The following MYH3 variants were observed in gnomAD, a reference collection of about 807,000 sequenced individuals.
MYH3 encodes myosin heavy chain 3, also known as myosin-3.
A neutral mutation model predicts 238.0 loss-of-function variants in MYH3; 130 were observed. That is an observed-to-expected ratio of 0.55 (90% confidence interval 0.47 to 0.63). MYH3 has a LOEUF of 0.63. Among genes scored for constraint, MYH3 ranks in the 30% least tolerant of loss-of-function variants. The pLI, the probability that MYH3 is intolerant of heterozygous loss-of-function variation, is 0.00. For missense variants in MYH3, 1,853 were observed against 2,374.9 expected, an observed-to-expected ratio of 0.78 and a Z score of 4.57; for synonymous variants, 880 against 924.1, an observed-to-expected ratio of 0.95 and a Z score of 0.86.
intron 27 of MYH3, 54 bp from the exon 28 acceptor site, chr17:10,637,989 A>G (rs2074231126): frequency 6.2e-7 from 1 of 1,613,996 alleles, no homozygotes; most frequent in African/African-American, 1.3e-5. Context: ...GGTTTCAATG[A>G]CCACGGAGTG....
rs768195566 is a variant in MYH3, at chr17:10,634,832, C to A, written c.4356+8G>T. 1.2e-6 allele frequency: 2 copies of A among 1,613,992 alleles called. No homozygotes were observed. The highest frequency in any genetic ancestry group is 2.7e-5 in the African/African-American group (2 of 74,908). Reference sequence around the variant, plus strand: ...TGGCATTCACCCAGCACACAGCGGACCCCACACCTTGTCAAAGTTCCTCTG... The same window carrying A: ...TGGCATTCACCCAGCACACAGCGGAACCCACACCTTGTCAAAGTTCCTCTG... On this transcript the variant is annotated splice_region_variant and intron_variant, in intron 31 of 40. Transcript: ENST00000583535.
In MYH3 at chr17:10,644,396, T is replaced by C. The variant is rs777433689; in HGVS notation, c.1365A>G (p.Gln455=). Residue 455 remains glutamine (Q), a synonymous_variant, in exon 14 of 41, where the codon CAA becomes CAG. Coordinates refer to ENST00000583535, the MANE Select transcript of MYH3 (RefSeq NM_002470.4). ...NQQLDTKLPR[Q]HFIGVLDIAG... ...CAATGTCCAAAACACCAATGAAGTGTTGTCTTGGAAGCTTCGTATCCAGTT... is the reference window on the plus strand; with the variant it reads ...CAATGTCCAAAACACCAATGAAGTGCTGTCTTGGAAGCTTCGTATCCAGTT... 2 of 1,614,118 alleles carry C rather than the reference T, an allele frequency of 1.2e-6. No individual in the cohort carries two copies. The highest frequency in any genetic ancestry group is 1.7e-6 in the Non-Finnish European group (2 of 1,179,972).
In MYH3 at chr17:10,635,378, C is replaced by T. The variant is rs575697594; in HGVS notation, c.4161G>A (p.Leu1387=). ...ETDAIQRTEE[L]EEAKKKLAQR... is the part of the protein sequence containing the mutation. ...ACAGAGCTGCGCACTTGGCCTCCTC[C>T]AGCTCTTCTGTGCGCTGGATGGCGT... The change falls in exon 30 of 41, where the codon CTG becomes CTA. Residue 1387 remains leucine, a synonymous_variant. Coordinates refer to ENST00000583535, the MANE Select transcript of MYH3 (RefSeq NM_002470.4). The T allele has an allele frequency of 6.2e-7, 1 of 1,614,016 alleles. No homozygotes were observed. The highest frequency in any genetic ancestry group is 1.7e-5 in the Admixed American group (1 of 60,014).
chr17:10,674,571 G>A, the MYH3 span: 5 of 161,582 alleles, frequency 3.1e-5, no homozygotes, highest in South Asian at 6.4e-4. Context: ...GCTGTAGAGG[G>A]AGTCTGAGTA....
chr17:10,649,691 C>G lies in MYH3; in HGVS notation c.534-6G>C, dbSNP rs781189723. 6.8e-6 allele frequency: 11 copies of G among 1,612,676 alleles called. No homozygotes were observed. The highest frequency in any genetic ancestry group is 9.3e-6 in the Non-Finnish European group (11 of 1,178,750). ...TTCCTGCCCCGGATTCTCCGCTGTA[C>G]AGAGTGATCAAAAGAGAGAGAAAGA... On this transcript the variant is annotated splice_region_variant and splice_polypyrimidine_tract_variant and intron_variant, in intron 6 of 40. Coordinates refer to ENST00000583535, the MANE Select transcript of MYH3 (RefSeq NM_002470.4).
rs766571949 is a variant in MYH3, at chr17:10,652,452, G to C, written c.316C>G (p.Leu106Val). 1 of 1,614,052 alleles carries C rather than the reference G, an allele frequency of 6.2e-7. No homozygotes were observed. The highest frequency in any genetic ancestry group is 2.2e-5 in the East Asian group (1 of 44,854). Residue 106 changes from leucine (L) to valine (V), a missense_variant, in exon 4 of 41, where the codon CTG (leucine) becomes GTG (valine). Physicochemically the swap from Leu to Val is conservative, Grantham distance 32. Coordinates refer to ENST00000583535, the MANE Select transcript of MYH3 (RefSeq NM_002470.4). ...HLNEPAVLYN[L>V]KDRYTSWMIY... Reference sequence around the variant, plus strand: ...ATCCAAGATGTGTAACGGTCCTTCAGGTTGTACAGCACGGCTGGCTCATTC... The same window carrying C: ...ATCCAAGATGTGTAACGGTCCTTCACGTTGTACAGCACGGCTGGCTCATTC...
chr17:10,671,107 T>C, the MYH3 span, among the ~76,000 whole-genome samples: 5 of 152,150 alleles, frequency 3.3e-5, no homozygotes, highest in East Asian at 5.8e-4. Flanking sequence ...TTGGCCAAAC[T>C]GGTCTCGAAC....
chr17:10,635,947 A>G, intron 28 of MYH3, 94 bp from the exon 29 acceptor site: 1 of 1,061,040 alleles, frequency 9.4e-7, no homozygotes, highest in South Asian at 1.3e-5. Context: ...AGATCTGGGG[A>G]GACAGAAAAT....
At chr17:10,663,940 G>C in the MYH3 span, among the ~76,000 whole-genome samples, 2 of 151,828 alleles carry the variant, frequency 1.3e-5, no homozygotes, top group Admixed American at 6.6e-5. Context: ...GCGTGCACCT[G>C]TAATCCCAGC....
chr17:10,645,824 A>G lies in MYH3; in HGVS notation c.1024T>C (p.Phe342Leu). 1 of 1,613,924 alleles carries G rather than the reference A, an allele frequency of 6.2e-7. No individual in the cohort carries two copies. Among genetic ancestry groups the G allele is most frequent in the Non-Finnish European group, 8.5e-7 (1 of 1,180,022 alleles). Residue 342 changes from phenylalanine (F) to leucine (L), a missense_variant, in exon 12 of 41, where the codon TTC (phenylalanine) becomes CTC (leucine). By Grantham distance (22) the Phe-to-Leu change is conservative. Around this residue, in one of 3 missense-constraint regions of MYH3, gnomAD observed 678 missense variants for 1,058.9 expected, o/e 0.64. Coordinates refer to ENST00000583535, the MANE Select transcript of MYH3 (RefSeq NM_002470.4). ...AGCCCAGATTTCTCTTCTGGGGTGA[A>G]GCCCAGGATGTCAATGGCGCTCTGG... ...ATDSAIDILGFTPEEKSGLYK... is the reference protein window; with the variant it reads ...ATDSAIDILGLTPEEKSGLYK...
intron 12 of MYH3, among the ~76,000 whole-genome samples, chr17:10,645,292 C>T (rs1006938623): frequency 2.6e-5 from 4 of 151,892 alleles, no homozygotes; most frequent in Admixed American, 2.6e-4. Flanking sequence ...GTTAGCCAGG[C>T]GCGGTGGTGT....
the MYH3 span, among the ~76,000 whole-genome samples, chr17:10,672,171 C>T: frequency 6.6e-6 from 1 of 152,170 alleles, no homozygotes; most frequent in Admixed American, 6.5e-5. Flanking sequence ...AGGACACAGA[C>T]TAAGAACCTA....
At position 10,652,470 on chromosome 17, in the gene MYH3, G is replaced by A. The variant is rs767400961; in HGVS notation, c.298C>T (p.Pro100Ser). The A allele has an allele frequency of 5.6e-6, 9 of 1,613,996 alleles. No homozygotes were observed. Among genetic ancestry groups the A allele is most frequent in the Middle Eastern group, 1.6e-4 (1 of 6,084 alleles). The change falls in exon 4 of 41, where the codon CCA becomes TCA. Residue 100 changes from proline (P) to serine (S), a missense_variant. Physicochemically the swap from Pro to Ser is moderately conservative, Grantham distance 74. Coordinates refer to ENST00000583535, the MANE Select transcript of MYH3 (RefSeq NM_002470.4). ...DMAMLTHLNEPAVLYNLKDRY... is the reference protein window; with the variant it reads ...DMAMLTHLNESAVLYNLKDRY... Reference sequence around the variant, plus strand: ...TCCTTCAGGTTGTACAGCACGGCTGGCTCATTCAGGTGCGTCAGCATGGCC... The same window carrying A: ...TCCTTCAGGTTGTACAGCACGGCTGACTCATTCAGGTGCGTCAGCATGGCC...
chr17:10,639,818 A>G lies in MYH3; in HGVS notation c.2683-16T>C, dbSNP rs376873065. On this transcript the variant is annotated splice_polypyrimidine_tract_variant and intron_variant, in intron 22 of 40. Transcript: ENST00000583535. ...TTTCGCTTTCCTTAAAAAAAAAAGA[A>G]TAATAACTTCGTTGAATGATATAAG... 1.4e-5 allele frequency: 23 copies of G among 1,613,672 alleles called. No homozygotes were observed. In the African/African-American group the frequency reaches 2.8e-4, roughly 20 times the overall value.
In MYH3 at chr17:10,638,074, G is replaced by T. The variant is rs749167181; in HGVS notation, c.3698C>A (p.Ser1233Tyr). ...TTTCGACACACTCTCCATGCTGCTG[G>T]AGAGGTCATCGATCTCCAGCTTGAA... ...SEFKLEIDDL[S>Y]SSMESVSKSK... The change falls in exon 27 of 41, where the codon TCC (serine) becomes TAC (tyrosine). Residue 1233 changes from serine (S) to tyrosine (Y), a missense_variant. Transcript: ENST00000583535. 1 of 1,613,752 alleles carries T rather than the reference G, an allele frequency of 6.2e-7. No homozygotes were observed. Among genetic ancestry groups the T allele is most frequent in the Admixed American group, 1.7e-5 (1 of 59,964 alleles).
At position 10,638,296 on chromosome 17, in the gene MYH3, G is replaced by C; in HGVS notation, c.3476C>G (p.Ser1159Cys). 6.2e-7 allele frequency: 1 copy of C among 1,613,476 alleles called. No individual in the cohort carries two copies. Among genetic ancestry groups the C allele is most frequent in the South Asian group, 1.1e-5 (1 of 91,050 alleles). Residue 1159 changes from serine (S) to cysteine (C), a missense_variant, in exon 27 of 41, where the codon TCC becomes TGC. Physicochemically the swap from Ser to Cys is moderately radical, Grantham distance 112. Coordinates refer to ENST00000583535, the MANE Select transcript of MYH3 (RefSeq NM_002470.4). ...ERLEEAGGVT[S>C]TQIELNKKRE... The stretch of plus-strand genomic sequence containing the variant: ...CTTCTTGTTGAGCTCTATCTGCGTG[G>C]AGGTGACGCCTCCCGCCTCCTCCAG...
At chr17:10,629,291 G>A (rs750967225) in intron 40 of MYH3, among the ~76,000 whole-genome samples, 18 of 152,062 alleles carry the variant, frequency 1.2e-4, no homozygotes, top group Non-Finnish European at 2.6e-4. Flanking sequence ...TTGGTTTTCT[G>A]TTTCTGTGTT....
intron 28 of MYH3, among the ~76,000 whole-genome samples, chr17:10,636,533 G>C (rs1177819551): frequency 6.6e-6 from 1 of 152,150 alleles, no homozygotes; most frequent in Non-Finnish European, 1.5e-5. Flanking sequence ...AATAGGGTAA[G>C]TTCAAGTTTA....
In MYH3 at chr17:10,634,875, C is replaced by T. The variant is rs190551597; in HGVS notation, c.4321G>A (p.Ala1441Thr). ...TTCCTCTGCTTCTTGTCCAGAGCGG[C>T]GGCCAAGGAATTGGCTCTTTCAACA... ...VDVERANSLA[A>T]ALDKKQRNFD... is the part of the protein sequence containing the mutation. The change falls in exon 31 of 41, where the codon GCC becomes ACC. Residue 1441 changes from alanine to threonine, a missense_variant. By Grantham distance (58) the Ala-to-Thr change is moderately conservative. Around this residue, in one of 3 missense-constraint regions of MYH3, gnomAD observed 1,044 missense variants for 1,192.6 expected, o/e 0.88. Coordinates refer to ENST00000583535, the MANE Select transcript of MYH3 (RefSeq NM_002470.4). 267 of 1,614,140 alleles carry T rather than the reference C, an allele frequency of 1.7e-4. 1 individual carries two copies. The highest frequency in any genetic ancestry group is 2.1e-4 in the Non-Finnish European group (252 of 1,180,036).
Sources: gnomAD v4.1 joint callset for allele counts (sites outside exome capture counted in the v4.1 genomes callset) on GRCh38, gnomAD v4.1.1 for gene constraint, gnomAD v4.1.1 regional missense constraint, MANE v1.5 for transcripts, NCBI Gene and HGNC (gene_info 2026-07-23, HGNC 2026-07-21) for gene names.